The following RAB3A variants were observed in gnomAD, a reference collection of about 807,000 sequenced individuals.
The protein encoded by RAB3A is ras-related protein Rab-3A.
RAB3A carries 5 observed loss-of-function variants against 19.7 expected under a neutral mutation model. That is an observed-to-expected ratio of 0.25 (90% confidence interval 0.13 to 0.53). The LOEUF is 0.53. Among genes scored for constraint, RAB3A ranks in the 20% least tolerant of loss-of-function variants. The pLI, the probability that RAB3A is intolerant of heterozygous loss-of-function variation, is 0.95. For missense variants in RAB3A, 189 were observed against 305.6 expected (o/e 0.62, Z 2.85); for synonymous variants, 119 against 122.1 (o/e 0.97, Z 0.17).
chr19:18,198,642 TGTAA>T (rs1967567392), intron 4 of RAB3A, 79 bp downstream of exon 4: 1 of 1,548,690 alleles, frequency 6.5e-7, no homozygotes, highest in Admixed American at 1.8e-5. Flanking sequence ...TGGCTTTAGC[TGTAA>T]GACCTTGGGT....
In RAB3A at chr19:18,198,647, G is replaced by C; in HGVS notation, c.472+78C>G. The C allele has an allele frequency of 4.5e-6, 7 of 1,568,650 alleles. No homozygotes were observed. The South Asian group carries it at 6.9e-5, about 16-fold the overall frequency. ...GTGAATTACCTGGCTTTAGCTGTAA[G>C]ACCTTGGGTGTGTGCCCTCCCCTCT... On this transcript the variant is annotated intron_variant, in intron 4 of 4. Coordinates refer to ENST00000222256, the MANE Select transcript of RAB3A (RefSeq NM_002866.5).
chr19:18,199,662 T>G (rs948233878), intron 3 of RAB3A, among the ~76,000 whole-genome samples: 1 of 152,088 alleles, frequency 6.6e-6, no homozygotes, highest in Non-Finnish European at 1.5e-5. Flanking sequence ...TAGCTGGGAT[T>G]ACAGGTGTGC....
intron 1 of RAB3A, 21 bp downstream of exon 1, chr19:18,203,875 C>G (rs1448573439): frequency 1.3e-5 from 2 of 153,014 alleles, no homozygotes; most frequent in African/African-American, 4.8e-5. Context: ...CCTGAGCACA[C>G]CCGGCCGCCC....
At chr19:18,200,235 A>T in intron 3 of RAB3A, 92 bp downstream of exon 3, 1 of 1,067,344 alleles carries the variant, frequency 9.4e-7, no homozygotes, top group Non-Finnish European at 1.4e-6. Flanking sequence ...GTGAGCCCTG[A>T]TCGTGCCACT....
intron 1 of RAB3A, among the ~76,000 whole-genome samples, chr19:18,203,447 G>A (rs957054689): frequency 6.6e-6 from 1 of 152,114 alleles, no homozygotes; most frequent in South Asian, 2.1e-4. Flanking sequence ...TTGTATGCAC[G>A]GGCCATACCT....
chr19:18,201,691 T>A (rs1967614794), intron 2 of RAB3A, among the ~76,000 whole-genome samples: 1 of 152,206 alleles, frequency 6.6e-6, no homozygotes, highest in African/African-American at 2.4e-5. Context: ...GGCACTTCCC[T>A]TGCTAAGTGA....
chr19:18,200,158 C>A (rs1447799839), intron 3 of RAB3A, among the ~76,000 whole-genome samples, 169 bp downstream of exon 3: 1 of 152,074 alleles, frequency 6.6e-6, no homozygotes, highest in Non-Finnish European at 1.5e-5. Context: ...TGGTATATGC[C>A]TGTAGTCCCA....
In RAB3A at chr19:18,201,249, CAAAAA is replaced by C. The variant is rs111370852; in HGVS notation, c.229-809_229-805del. 1.2e-3 allele frequency among the ~76,000 whole-genome samples: 136 copies of C among 113,230 alleles called. 1 individual carries two copies. The highest frequency in any genetic ancestry group is 5.2e-3 in the East Asian group (22 of 4,198). The allele number at this position is 113,230 out of a possible 152,430, so 74.3% of individuals were successfully genotyped here. A position where few individuals can be genotyped will look rare whatever the true frequency, so the allele number is the denominator to read the frequency against. Reference sequence around the variant, plus strand: ...AGACTCCGTCTCAAAACAATAACAACAAAAAAAAAAAAAAAAAGAAAGAAAGAAAG... The same window carrying C: ...AGACTCCGTCTCAAAACAATAACAACAAAAAAAAAAAAGAAAGAAAGAAAG... On this transcript the variant is annotated intron_variant, in intron 2 of 4. Coordinates refer to ENST00000222256, the MANE Select transcript of RAB3A (RefSeq NM_002866.5).
chr19:18,198,031 G>T (rs533869116), intron 4 of RAB3A, among the ~76,000 whole-genome samples: 1 of 152,024 alleles, frequency 6.6e-6, no homozygotes, highest in East Asian at 1.9e-4. Context: ...GTGTGAGCCA[G>T]CGCACCTGGC....
rs769089380 is a variant in RAB3A at position 18,202,479 on chromosome 19, C to A, written c.228+34G>T. Reference sequence around the variant, plus strand: ...GCTTTTCCAAGTACGGGAATCCAACCGAGCCGGGCGGGAGCCCTCCAGCTG... The same window carrying A: ...GCTTTTCCAAGTACGGGAATCCAACAGAGCCGGGCGGGAGCCCTCCAGCTG... On this transcript the variant is annotated intron_variant, in intron 2 of 4. Transcript: ENST00000222256. The surrounding 1 kb of genome is among the most constrained non-coding windows in gnomAD (Gnocchi z 4.2). The A allele has an allele frequency of 1.9e-6, 3 of 1,592,020 alleles. No homozygotes were observed. In the Admixed American group the frequency reaches 5.0e-5, roughly 27 times the overall value.
rs71164380 is a variant in RAB3A, at chr19:18,201,263, AAAAG to A, written c.229-822_229-819del. On this transcript the variant is annotated intron_variant, in intron 2 of 4. Coordinates refer to ENST00000222256, the MANE Select transcript of RAB3A (RefSeq NM_002866.5). ...AACAATAACAACAAAAAAAAAAAAA[AAAAG>A]AAAGAAAGAAAGAAAGAAAGAAAGA... Among the ~76,000 whole-genome samples the A allele has an allele frequency of 5.4e-3, 656 of 121,766 alleles. 3 individuals are homozygous for A. The highest frequency in any genetic ancestry group is 6.4e-3 in the Non-Finnish European group (381 of 59,780). 79.9% of individuals were successfully genotyped at this position (121,766 alleles called of 152,430 possible).
At position 18,199,622 on chromosome 19, in the gene RAB3A, C is replaced by T. The variant is rs188566501; in HGVS notation, c.347+705G>A. ...CACTGCAACCTCCACCTCCCGGGTT[C>T]GAGCGATTCTCCTGCCTCAGGCTCC... On this transcript the variant is annotated intron_variant, in intron 3 of 4. Transcript: ENST00000222256. Among the ~76,000 whole-genome samples the T allele has an allele frequency of 2.5e-4, 38 of 151,526 alleles. No individual in the cohort carries two copies. The South Asian group carries it at 6.7e-3, about 27-fold the overall frequency.
intron 3 of RAB3A, among the ~76,000 whole-genome samples, chr19:18,199,510 T>C (rs891284792): frequency 6.6e-5 from 10 of 151,102 alleles, no homozygotes; most frequent in African/African-American, 2.4e-4. Context: ...ATGTTTACAA[T>C]CTCTAACCTA....
chr19:18,201,261 A>AGG (rs201477581), intron 2 of RAB3A, among the ~76,000 whole-genome samples: 1 of 137,674 alleles, frequency 7.3e-6, no homozygotes, highest in Non-Finnish European at 1.6e-5. Context: ...AAAAAAAAAA[A>AGG]AAAAAGAAAG....
At chr19:18,199,932 ACGT>A (rs2147981802) in intron 3 of RAB3A, among the ~76,000 whole-genome samples, 1 of 152,134 alleles carries the variant, frequency 6.6e-6, no homozygotes, top group South Asian at 2.1e-4. Flanking sequence ...TCTGACCCCT[ACGT>A]TTTATTTATT....
chr19:18,201,262 AAAAAGAAAG>A (rs1175512551), intron 2 of RAB3A, among the ~76,000 whole-genome samples: 6 of 128,142 alleles, frequency 4.7e-5, no homozygotes, highest in South Asian at 2.6e-4. Flanking sequence ...AAAAAAAAAA[AAAAAGAAAG>A]AAAGAAAGAA....
chr19:18,197,454 G>C lies in RAB3A; in HGVS notation c.*16C>G, dbSNP rs763142591. 2.5e-6 allele frequency: 4 copies of C among 1,601,204 alleles called. No homozygotes were observed. The highest frequency in any genetic ancestry group is 3.4e-6 in the Non-Finnish European group (4 of 1,172,224). ...TGGGGAAGACAGGGAAGAGGGGAAA[G>C]GGAGTGGGATGGCTCTCAGCAGGCG... On this transcript the variant is annotated 3_prime_UTR_variant, in exon 5 of 5. Coordinates refer to ENST00000222256, the MANE Select transcript of RAB3A (RefSeq NM_002866.5).
rs1224433039 is a variant in RAB3A, at chr19:18,202,873, C to A, written c.1-133G>T. On this transcript the variant is annotated intron_variant, in intron 1 of 4. Coordinates refer to ENST00000222256, the MANE Select transcript of RAB3A (RefSeq NM_002866.5). The surrounding 1 kb of genome is among the most constrained non-coding windows in gnomAD (Gnocchi z 4.2). ...AGGACACCCTTATCCCATCAGGAGCCCCAGTATTAATTGGTGGTGCCCCCA... is the reference window on the plus strand; with the variant it reads ...AGGACACCCTTATCCCATCAGGAGCACCAGTATTAATTGGTGGTGCCCCCA... 1.5e-6 allele frequency: 1 copy of A among 668,598 alleles called. No individual in the cohort carries two copies. Among genetic ancestry groups the A allele is most frequent in the Non-Finnish European group, 2.6e-6 (1 of 384,554 alleles). 41.4% of individuals were successfully genotyped at this position (668,598 alleles called of 1,614,324 possible).
rs1189547393 is a variant in RAB3A, at chr19:18,197,174, G to A, written c.*296C>T. 1 of 426 alleles carries A rather than the reference G, an allele frequency of 2.3e-3. No homozygotes were observed. 0.0% of individuals were successfully genotyped at this position (426 alleles called of 1,614,324 possible). A position where few individuals can be genotyped will look rare whatever the true frequency, so the allele number is the denominator to read the frequency against. The stretch of plus-strand genomic sequence containing the variant: ...ATGGGGGTGAATTTTAAAAAAAGGC[G>A]GGGGGGGGGGGTTCAGGAGGGTGAG... On this transcript the variant is annotated 3_prime_UTR_variant, in exon 5 of 5. Transcript: ENST00000222256.
Sources: allele counts gnomAD v4.1 joint callset (sites outside exome capture counted in the v4.1 genomes callset), GRCh38; gene constraint gnomAD v4.1.1; non-coding constraint Gnocchi (gnomAD v3.1); transcripts MANE v1.5; gene names NCBI Gene and HGNC (gene_info 2026-07-23, HGNC 2026-07-21).